Variants in ASS1 observed in about 807,000 individuals in gnomAD.
ASS1 encodes argininosuccinate synthase 1, also known as argininosuccinate synthase.
A neutral mutation model predicts 60.5 loss-of-function variants in ASS1; 58 were observed. The ratio of observed to expected loss-of-function variants is 0.96; its 90% CI spans 0.78 to 1.19. The LOEUF (loss-of-function observed/expected upper bound fraction) is 1.19. Ranked by LOEUF, ASS1 falls within the 50% of genes most tolerant of loss-of-function variation. The pLI, the probability that ASS1 is intolerant of heterozygous loss-of-function variation, is 0.00. For synonymous variants in ASS1, 200 were observed against 206.9 expected (o/e 0.97, Z 0.29); for missense variants, 454 against 547.3 (o/e 0.83, Z 1.70).
intron 1 of ASS1, among the ~76,000 whole-genome samples, chr9:130,449,052 C>T (rs1430827693): frequency 1.3e-5 from 2 of 152,136 alleles, no homozygotes; most frequent in Non-Finnish European, 2.9e-5. Flanking sequence ...GCATGATGGC[C>T]GGATGTAGTG....
intron 4 of ASS1, among the ~76,000 whole-genome samples, chr9:130,462,667 A>G (rs1389617399): frequency 5.9e-5 from 9 of 152,218 alleles, no homozygotes; most frequent in Non-Finnish European, 1.3e-4. Flanking sequence ...ACGTCGGACC[A>G]TGCCTTACCA....
chr9:130,451,920 A>C (rs565079378), intron 1 of ASS1: 1 of 557,148 alleles, frequency 1.8e-6, no homozygotes, highest in Admixed American at 2.2e-5. Flanking sequence ...GCTCAGCCTC[A>C]GCCGCCTTCC....
chr9:130,499,675 GCTGCCCTGCC>G (rs201153157), intron 14 of ASS1, 105 bp downstream of exon 14: 11 of 1,214,418 alleles, frequency 9.1e-6, no homozygotes, highest in African/African-American at 6.0e-5. Flanking sequence ...GACCTTGACT[GCTGCCCTGCC>G]CTGCCCTGCC....
intron 11 of ASS1, among the ~76,000 whole-genome samples, chr9:130,487,487 C>T (rs572162631): frequency 1.3e-5 from 2 of 151,824 alleles, no homozygotes; most frequent in Non-Finnish European, 2.9e-5. Flanking sequence ...TGCCGCTCAA[C>T]GGCATTAGGT....
rs201805166 is a variant in ASS1 at position 130,499,660 on chromosome 9, G to A, written c.1193+90G>A. On this transcript the variant is annotated intron_variant, in intron 14 of 14. Transcript: ENST00000352480. ...CCCCCAGGTGTAAAGGGTAGGCTTT[G>A]ATGCGACCTTGACTGCTGCCCTGCC... 3.7e-6 allele frequency: 5 copies of A among 1,359,490 alleles called. No individual in the cohort carries two copies. In the East Asian group the frequency reaches 1.2e-4, roughly 32 times the overall value. 84.2% of individuals were successfully genotyped at this position (1,359,490 alleles called of 1,614,324 possible).
intron 9 of ASS1, 115 bp from the exon 10 acceptor site, chr9:130,479,601 A>T: frequency 2.4e-6 from 2 of 851,002 alleles, no homozygotes; most frequent in South Asian, 2.7e-5. Context: ...TTTGGAGTCC[A>T]TATCTGTCAC....
intron 11 of ASS1, among the ~76,000 whole-genome samples, chr9:130,483,229 T>C (rs959543109): frequency 1.3e-5 from 2 of 151,926 alleles, no homozygotes; most frequent in Non-Finnish European, 2.9e-5. Flanking sequence ...TCGTCAATTA[T>C]ATTGAGGGCA....
rs1040452325 is a variant in ASS1 at position 130,489,022 on chromosome 9, G to A, written c.839-311G>A. ...AATTACAGGCTTTCAACCTCGGGCC[G>A]GTGGGCACGCATGGGGAGGGAGGGG... On this transcript the variant is annotated intron_variant, in intron 11 of 14. Coordinates refer to ENST00000352480, the MANE Select transcript of ASS1 (RefSeq NM_054012.4). The surrounding 1 kb of genome is among the most constrained non-coding windows in gnomAD (Gnocchi z 4.1). Among the ~76,000 whole-genome samples, 2 of 152,284 alleles carry A rather than the reference G, an allele frequency of 1.3e-5. No homozygotes were observed. Among genetic ancestry groups the A allele is most frequent in the African/African-American group, 4.8e-5 (2 of 41,564 alleles).
chr9:130,449,128 C>T (rs1437976542), intron 1 of ASS1, among the ~76,000 whole-genome samples: 2 of 151,952 alleles, frequency 1.3e-5, no homozygotes, highest in African/African-American at 4.8e-5. Flanking sequence ...TCCAGGAGTT[C>T]GAGTCCAGCC....
intron 1 of ASS1, among the ~76,000 whole-genome samples, chr9:130,446,678 G>A (rs1845203879): frequency 6.6e-6 from 1 of 152,152 alleles, no homozygotes; most frequent in Non-Finnish European, 1.5e-5. Flanking sequence ...GTGGAGCCAG[G>A]CCCAAAACAG....
chr9:130,456,986 A>G (rs1374142962), intron 3 of ASS1, among the ~76,000 whole-genome samples: 1 of 152,200 alleles, frequency 6.6e-6, no homozygotes, highest in Non-Finnish European at 1.5e-5. Context: ...GATATTTATC[A>G]CATTAGAAAT....
At chr9:130,461,987 G>A (rs2131877614) in intron 4 of ASS1, among the ~76,000 whole-genome samples, 1 of 152,278 alleles carries the variant, frequency 6.6e-6, no homozygotes, top group East Asian at 1.9e-4. Context: ...GCCCAGCCCT[G>A]AAGGCAGAGG....
chr9:130,470,046 G>A lies in ASS1; in HGVS notation c.496-788G>A, dbSNP rs909033555. The stretch of plus-strand genomic sequence containing the variant: ...TGTCCGAGTGCAGGAGGAGGCTGGA[G>A]TGCACGAGCTGGATTCCAGTCGGGC... On this transcript the variant is annotated intron_variant, in intron 6 of 14. Transcript: ENST00000352480. This position sits in a 1 kb window ranked among gnomAD's most constrained non-coding sequence, Gnocchi z 4.3. Among the ~76,000 whole-genome samples, 4 of 152,192 alleles carry A rather than the reference G, an allele frequency of 2.6e-5. No homozygotes were observed.
intron 9 of ASS1, among the ~76,000 whole-genome samples, chr9:130,479,141 A>G (rs893765159): frequency 3.7e-4 from 47 of 128,142 alleles, no homozygotes; most frequent in African/African-American, 1.2e-3. Context: ...CCCCGGACCC[A>G]GCTCCTCGGA....
At position 130,459,532 on chromosome 9, in the gene ASS1, A is replaced by G. The variant is rs1384420738; in HGVS notation, c.363+943A>G. On this transcript the variant is annotated intron_variant, in intron 4 of 14. Coordinates refer to ENST00000352480, the MANE Select transcript of ASS1 (RefSeq NM_054012.4). The surrounding 1 kb of genome is among the most constrained non-coding windows in gnomAD (Gnocchi z 4.6). The stretch of plus-strand genomic sequence containing the variant: ...CTGCAACCTCTGCCTCCCAGATTGA[A>G]GCAATTCTCCTGCCTCAGCCTCCTG... 6.6e-6 allele frequency among the ~76,000 whole-genome samples: 1 copy of G among 152,028 alleles called. No individual in the cohort carries two copies. Among genetic ancestry groups the G allele is most frequent in the African/African-American group, 2.4e-5 (1 of 41,392 alleles).
intron 6 of ASS1, 139 bp downstream of exon 6, chr9:130,466,938 C>A: frequency 1.0e-6 from 1 of 999,352 alleles, no homozygotes. Context: ...TCCACCCCAG[C>A]TGCCTACACA....
chr9:130,476,906 G>A lies in ASS1; in HGVS notation c.633G>A (p.Gln211=). The change falls in exon 9 of 15, where the codon CAG becomes CAA. Residue 211 remains glutamine (Q), a synonymous_variant. Transcript: ENST00000352480. The surrounding 1 kb of genome is among the most constrained non-coding windows in gnomAD (Gnocchi z 4.9). ...QAPPGLYTKT[Q]DPAKAPNTPD... ...CTCCAGGTCTCTACACGAAGACCCA[G>A]GACCCAGCCAAAGCCCCCAACACCC... 3 of 1,614,120 alleles carry A rather than the reference G, an allele frequency of 1.9e-6. No individual in the cohort carries two copies. The highest frequency in any genetic ancestry group is 2.5e-6 in the Non-Finnish European group (3 of 1,180,018).
Position 130,477,545 on chromosome 9 carries a change from CCTT to C in ASS1, c.688+587_688+589del, listed in dbSNP as rs1846051497. Among the ~76,000 whole-genome samples the C allele has an allele frequency of 6.6e-6, 1 of 152,228 alleles. No homozygotes were observed. On this transcript the variant is annotated intron_variant, in intron 9 of 14. Transcript: ENST00000352480. This position sits in a 1 kb window ranked among gnomAD's most constrained non-coding sequence, Gnocchi z 4.2. The stretch of plus-strand genomic sequence containing the variant: ...GTGGAGGCTGTCCTGATCGCTCCCT[CCTT>C]CTCACTGCTGTCAACAAGAAGCGTT...
At chr9:130,486,175 G>C (rs1846303266) in intron 11 of ASS1, among the ~76,000 whole-genome samples, 1 of 152,072 alleles carries the variant, frequency 6.6e-6, no homozygotes, top group Non-Finnish European at 1.5e-5. Flanking sequence ...TGCCTGGGTT[G>C]GTCTTGAACT....
Sources: allele counts gnomAD v4.1 joint callset (sites outside exome capture counted in the v4.1 genomes callset), GRCh38; gene constraint gnomAD v4.1.1; non-coding constraint Gnocchi (gnomAD v3.1); transcripts MANE v1.5; gene names NCBI Gene and HGNC (gene_info 2026-07-23, HGNC 2026-07-21).